Variants in GREB1 observed in about 807,000 individuals in gnomAD.
The protein encoded by GREB1 is protein GREB1.
Under a neutral mutation model 200.7 loss-of-function variants are expected in GREB1, and 106 were observed. The ratio of observed to expected loss-of-function variants is 0.53; its 90% confidence interval spans 0.45 to 0.62. The LOEUF (loss-of-function observed/expected upper bound fraction) is 0.62. GREB1 is among the 20% of genes least tolerant of loss of function. The probability of loss-of-function intolerance (pLI) is 0.00; values close to 1 mark genes in which losing one functional copy is unlikely to be tolerated. For synonymous variants in GREB1, 1,132 were observed against 1,092.4 expected, an observed-to-expected ratio of 1.04 and a Z score of -0.72; for missense variants, 2,243 against 2,556.8, an observed-to-expected ratio of 0.88 and a Z score of 2.65.
chr2:11,513,343 A>G (rs1673401133), intron 1 of GREB1, among the ~76,000 whole-genome samples: 1 of 152,172 alleles, frequency 6.6e-6, no homozygotes, highest in Non-Finnish European at 1.5e-5. Context: ...ATGGATTTCA[A>G]TCCCAGAATC....
chr2:11,626,262 G>A (rs550084706), intron 24 of GREB1, among the ~76,000 whole-genome samples: 1 of 152,140 alleles, frequency 6.6e-6, no homozygotes, highest in Admixed American at 6.5e-5. Context: ...TGAAGGCTGA[G>A]TGTTAAAATC....
At chr2:11,587,406 TG>T in intron 9 of GREB1, 1 of 1,613,278 alleles carries the variant, frequency 6.2e-7, no homozygotes, top group Non-Finnish European at 8.5e-7. Context: ...GCTACCCAAA[TG>T]GTAGCCCTTG....
At chr2:11,612,958 C>T (rs975605532) in intron 19 of GREB1, among the ~76,000 whole-genome samples, 4 of 152,162 alleles carry the variant, frequency 2.6e-5, no homozygotes, top group South Asian at 2.1e-4. Context: ...GGCAGTTCTG[C>T]TTGGGACAGT....
intron 1 of GREB1, among the ~76,000 whole-genome samples, chr2:11,555,795 A>G (rs771672394): frequency 2.6e-5 from 4 of 152,158 alleles, no homozygotes; most frequent in African/African-American, 4.8e-5. Flanking sequence ...TCTAAAATTG[A>G]TCGTATGATA....
chr2:11,592,693 G>T, intron 10 of GREB1, 83 bp from the exon 11 acceptor site: 1 of 845,306 alleles, frequency 1.2e-6, no homozygotes, highest in South Asian at 2.0e-5. Context: ...TAACTTAGGT[G>T]GGTACTTTCA....
intron 27 of GREB1, 54 bp downstream of exon 27, chr2:11,632,167 G>A: frequency 7.8e-7 from 1 of 1,273,908 alleles, no homozygotes; most frequent in Non-Finnish European, 1.1e-6. Flanking sequence ...ACGAACACTT[G>A]AGAGAGTGTT....
intron 1 of GREB1, among the ~76,000 whole-genome samples, chr2:11,498,890 T>G (rs1322833540): frequency 6.6e-6 from 1 of 152,232 alleles, no homozygotes; most frequent in African/African-American, 2.4e-5. Flanking sequence ...AAATGTGGCG[T>G]GCAGCTGCTG....
At chr2:11,500,930 A>G (rs1028712613) in intron 1 of GREB1, among the ~76,000 whole-genome samples, 1 of 152,178 alleles carries the variant, frequency 6.6e-6, no homozygotes, top group Non-Finnish European at 1.5e-5. Flanking sequence ...GGGTTAAATG[A>G]GATATGAGAA....
chr2:11,632,431 C>T (rs974872174), intron 27 of GREB1, among the ~76,000 whole-genome samples: 11 of 144,686 alleles, frequency 7.6e-5, no homozygotes, highest in Admixed American at 7.2e-5. Flanking sequence ...CTTTGTCTTA[C>T]GGGTTCAAGC....
At chr2:11,613,724 C>A (rs1683137814) in intron 19 of GREB1, among the ~76,000 whole-genome samples, 1 of 152,204 alleles carries the variant, frequency 6.6e-6, no homozygotes, top group Non-Finnish European at 1.5e-5. Flanking sequence ...TTTTAGCAAG[C>A]ATTTGCTGAA....
At position 11,625,054 on chromosome 2, in the gene GREB1, C is replaced by T. The variant is rs945907793; in HGVS notation, c.4148-100C>T. The T allele has an allele frequency of 4.4e-5, 41 of 942,508 alleles. No homozygotes were observed. In the East Asian group the frequency reaches 5.0e-4, roughly 12 times the overall value. The allele number at this position is 942,508 out of a possible 1,614,324, so 58.4% of individuals were successfully genotyped here. On this transcript the variant is annotated intron_variant, in intron 23 of 32. Transcript: ENST00000381486. The stretch of plus-strand genomic sequence containing the variant: ...GCACAGTGACAGAATCGCCTGATGT[C>T]GCATTTCTCAGAACGTATTCTGTGT...
chr2:11,635,178 A>G lies in GREB1; in HGVS notation c.5211-92A>G, dbSNP rs936907515. ...GCCCACTCCACCTTCATAGCCCCCT[A>G]CGATGGGGACCCACACTCTAGGTGC... On this transcript the variant is annotated intron_variant, in intron 29 of 32. Transcript: ENST00000381486. 21 of 1,490,198 alleles carry G rather than the reference A, an allele frequency of 1.4e-5. No homozygotes were observed. In the Admixed American group the frequency reaches 2.9e-4, roughly 20 times the overall value. 92.3% of individuals were successfully genotyped at this position (1,490,198 alleles called of 1,614,324 possible).
chr2:11,638,204 G>A (rs554566030), intron 31 of GREB1, among the ~76,000 whole-genome samples: 1 of 152,306 alleles, frequency 6.6e-6, no homozygotes, highest in African/African-American at 2.4e-5. Context: ...GCAATGGCAC[G>A]ATCTCAGCTC....
chr2:11,566,112 G>C (rs1446915687), intron 3 of GREB1, among the ~76,000 whole-genome samples: 1 of 152,012 alleles, frequency 6.6e-6, no homozygotes, highest in East Asian at 1.9e-4. Context: ...TCTGCCTTAC[G>C]GGTTCAAATG....
chr2:11,635,338 A>G lies in GREB1; in HGVS notation c.5279A>G (p.Asn1760Ser), dbSNP rs765158897. 3 of 1,614,142 alleles carry G rather than the reference A, an allele frequency of 1.9e-6. No individual in the cohort carries two copies. The highest frequency in any genetic ancestry group is 2.2e-5 in the South Asian group (2 of 91,086). Residue 1760 changes from asparagine (N) to serine (S), a missense_variant, in exon 30 of 33, where the codon AAC (asparagine) becomes AGC (serine). This residue lies in a region of GREB1 where 478 missense variants were observed against 616.3 expected (regional missense o/e 0.78). Transcript: ENST00000381486. ...GCCGGCCTCCTGCTCTGCCGGTTCA[A>G]CCGCTTCAGCGTGATGAAGAAGCAG... ...HSAGLLLCRFNRFSVMKKQIV... is the reference protein window; with the variant it reads ...HSAGLLLCRFSRFSVMKKQIV...
chr2:11,504,284 T>C (rs1673121921), intron 1 of GREB1, among the ~76,000 whole-genome samples: 2 of 152,318 alleles, frequency 1.3e-5, no homozygotes, highest in Middle Eastern at 3.4e-3. Flanking sequence ...TGGCATGCAA[T>C]TTAAAATGTA....
At chr2:11,578,180 T>A in intron 5 of GREB1, 117 bp from the exon 6 acceptor site, 1 of 1,099,830 alleles carries the variant, frequency 9.1e-7, no homozygotes. Context: ...TGGTGGCAGC[T>A]TGTGTGGCTG....
In GREB1 at chr2:11,601,107, C is replaced by G; in HGVS notation, c.2529+112C>G. On this transcript the variant is annotated intron_variant, in intron 16 of 32. Coordinates refer to ENST00000381486, the MANE Select transcript of GREB1 (RefSeq NM_014668.4). ...TGGTTGAGGATAATGGGTTCCAGCT[C>G]CTTGGATCTTTGGTTCAACCCAGAG... 2.4e-6 allele frequency: 2 copies of G among 824,882 alleles called. 1 individual carries two copies. The highest frequency in any genetic ancestry group is 3.8e-5 in the South Asian group (2 of 52,862). 51.1% of individuals were successfully genotyped at this position (824,882 alleles called of 1,614,324 possible).
chr2:11,498,713 G>A (rs937006511), intron 1 of GREB1, among the ~76,000 whole-genome samples: 3 of 152,192 alleles, frequency 2.0e-5, no homozygotes, highest in Admixed American at 6.5e-5. Flanking sequence ...GACACTTGGC[G>A]TCCTGGGCTG....
Sources: allele counts gnomAD v4.1 joint callset (sites outside exome capture counted in the v4.1 genomes callset), GRCh38; gene constraint gnomAD v4.1.1; regional missense constraint gnomAD v4.1.1; transcripts MANE v1.5; gene names NCBI Gene and HGNC (gene_info 2026-07-23, HGNC 2026-07-21).